The following HMGN4 variants were observed in gnomAD, a reference collection of about 807,000 sequenced individuals.
The protein encoded by HMGN4 is high mobility group nucleosomal binding domain 4.
For synonymous variants in HMGN4, 39 were observed against 39.1 expected, an observed-to-expected ratio of 1.00 and a Z score of 0.01; for missense variants, 69 against 104.9, an observed-to-expected ratio of 0.66 and a Z score of 1.49.
intron 1 of HMGN4, among the ~76,000 whole-genome samples, chr6:26,541,329 C>T (rs1405527581): frequency 6.6e-6 from 1 of 152,226 alleles, no homozygotes; most frequent in Non-Finnish European, 1.5e-5. Context: ...CCACGCCCTG[C>T]CTGAGTCACT....
Position 26,546,738 on chromosome 6 carries a change from G to C in HMGN4, c.*1259G>C, listed in dbSNP as rs1381784786. On this transcript the variant is annotated 3_prime_UTR_variant, in exon 2 of 2. Transcript: ENST00000377575. Reference sequence around the variant, plus strand: ...CAACTGTTCCTCCATATTACTTCTAGAATTAGACCAACAATTTATAAATCA... The same window carrying C: ...CAACTGTTCCTCCATATTACTTCTACAATTAGACCAACAATTTATAAATCA... Among the ~76,000 whole-genome samples the C allele has an allele frequency of 6.6e-6, 1 of 152,110 alleles. No homozygotes were observed. Among genetic ancestry groups the C allele is most frequent in the Non-Finnish European group, 1.5e-5 (1 of 68,028 alleles).
Position 26,545,464 on chromosome 6 carries a change from T to A in HMGN4, c.258T>A (p.Thr86=), listed in dbSNP as rs527995492. The change falls in exon 2 of 2, where the codon ACT becomes ACA. Residue 86 remains threonine (T), a synonymous_variant. Coordinates refer to ENST00000377575, the MANE Select transcript of HMGN4 (RefSeq NM_006353.3). ...TCCAGTCCCAGAAAGCGGAAGGCAC[T>A]GGGGATGCCAAGTGAAATGTACATT... ...STLQSQKAEG[T]GDAK 1 of 1,562,834 alleles carries A rather than the reference T, an allele frequency of 6.4e-7. No individual in the cohort carries two copies. The highest frequency in any genetic ancestry group is 1.2e-5 in the South Asian group (1 of 83,748).
At chr6:26,541,251 G>C (rs2113582043) in intron 1 of HMGN4, among the ~76,000 whole-genome samples, 1 of 152,142 alleles carries the variant, frequency 6.6e-6, no homozygotes, top group East Asian at 1.9e-4. Context: ...TCACCATGTT[G>C]GCCAGGCTGG....
rs1349740741 is a variant in HMGN4 at position 26,546,131 on chromosome 6, C to CG, written c.*654dup. 6.0e-6 allele frequency: 1 copy of CG among 167,066 alleles called. No homozygotes were observed. The highest frequency in any genetic ancestry group is 1.5e-5 in the Non-Finnish European group (1 of 68,116). 10.3% of individuals were successfully genotyped at this position (167,066 alleles called of 1,614,324 possible). A position where few individuals can be genotyped will look rare whatever the true frequency, so the allele number is the denominator to read the frequency against. ...CAACGACATATCTTGTTAACTTTTA[C>CG]GGTGACTTTTGGAGGAGGGGAGTTT... is the stretch of plus-strand genomic sequence containing the variant. On this transcript the variant is annotated 3_prime_UTR_variant, in exon 2 of 2. Transcript: ENST00000377575.
intron 1 of HMGN4, among the ~76,000 whole-genome samples, chr6:26,543,006 G>A (rs1377958334): frequency 6.6e-6 from 1 of 152,204 alleles, no homozygotes; most frequent in Non-Finnish European, 1.5e-5. Context: ...TTAGGGAAAT[G>A]TGTGCTAGGC....
intron 1 of HMGN4, among the ~76,000 whole-genome samples, chr6:26,541,653 G>A (rs1554141261): frequency 6.7e-5 from 10 of 149,418 alleles, no homozygotes; most frequent in Non-Finnish European, 1.5e-4. Context: ...TTCACTATTA[G>A]TTTTTTTTTT....
rs9348722 is a variant in HMGN4, at chr6:26,545,781, G to A, written c.*302G>A. 5.2e-6 allele frequency: 1 copy of A among 191,006 alleles called. No homozygotes were observed. The highest frequency in any genetic ancestry group is 1.5e-4 in the East Asian group (1 of 6,800). The allele number at this position is 191,006 out of a possible 1,614,324, so 11.8% of individuals were successfully genotyped here. ...TTCACGTGTCAGCCACTTTGGCACG[G>A]AAGCCTTACAGTGTGGGGAACCAAA... On this transcript the variant is annotated 3_prime_UTR_variant, in exon 2 of 2. Coordinates refer to ENST00000377575, the MANE Select transcript of HMGN4 (RefSeq NM_006353.3).
rs185258550 is a variant in HMGN4 at position 26,546,414 on chromosome 6, T to A, written c.*935T>A. On this transcript the variant is annotated 3_prime_UTR_variant, in exon 2 of 2. Transcript: ENST00000377575. ...TAACATTTTTCATATTCGAAGTGGTTGTCTCTGCACTATTTACTGAAAAGT... is the reference window on the plus strand; with the variant it reads ...TAACATTTTTCATATTCGAAGTGGTAGTCTCTGCACTATTTACTGAAAAGT... Among the ~76,000 whole-genome samples the A allele has an allele frequency of 2.6e-5, 4 of 152,374 alleles. No homozygotes were observed. The highest frequency in any genetic ancestry group is 2.0e-4 in the Admixed American group (3 of 15,300).
Position 26,545,409 on chromosome 6 carries a change from A to G in HMGN4, c.203A>G (p.Asn68Ser). ...GKADAGKDGN[N>S]PAKNRDASTL... ...GCAGATGCTGGAAAGGATGGGAACA[A>G]CCCTGCAAAAAACCGAGATGCCTCT... Residue 68 changes from asparagine (N) to serine (S), a missense_variant, in exon 2 of 2, where the codon AAC becomes AGC. By Grantham distance (46) the Asn-to-Ser change is conservative. Coordinates refer to ENST00000377575, the MANE Select transcript of HMGN4 (RefSeq NM_006353.3). 6.2e-7 allele frequency: 1 copy of G among 1,610,882 alleles called. No individual in the cohort carries two copies. Among genetic ancestry groups the G allele is most frequent in the African/African-American group, 1.3e-5 (1 of 74,622 alleles).
At chr6:26,538,962 T>C (rs922562534) in intron 1 of HMGN4, among the ~76,000 whole-genome samples, 1 of 152,176 alleles carries the variant, frequency 6.6e-6, no homozygotes, top group Non-Finnish European at 1.5e-5. Flanking sequence ...CTCCTCCACT[T>C]TGACCTTTTG....
Position 26,545,173 on chromosome 6 carries a change from A to C in HMGN4, c.-34A>C, listed in dbSNP as rs763720498. 8 of 1,552,650 alleles carry C rather than the reference A, an allele frequency of 5.2e-6. No homozygotes were observed. Among genetic ancestry groups the C allele is most frequent in the African/African-American group, 1.4e-5 (1 of 72,730 alleles). ...GAGGAGGACAGAAGCACCCAACAGG[A>C]CTGCTCAAGCCACCTGCGAACACTG... is the stretch of plus-strand genomic sequence containing the variant. On this transcript the variant is annotated 5_prime_UTR_variant, in exon 2 of 2. Transcript: ENST00000377575.
chr6:26,545,406 A>G lies in HMGN4; in HGVS notation c.200A>G (p.Asn67Ser), dbSNP rs1234271471. The stretch of plus-strand genomic sequence containing the variant: ...AAAGCAGATGCTGGAAAGGATGGGA[A>G]CAACCCTGCAAAAAACCGAGATGCC... ...KGKADAGKDG[N>S]NPAKNRDAST... is the part of the protein sequence containing the mutation. The change falls in exon 2 of 2, where the codon AAC becomes AGC. Residue 67 changes from asparagine to serine, a missense_variant. Physicochemically the swap from Asn to Ser is conservative, Grantham distance 46 (BLOSUM62 1). Coordinates refer to ENST00000377575, the MANE Select transcript of HMGN4 (RefSeq NM_006353.3). 1 of 1,611,848 alleles carries G rather than the reference A, an allele frequency of 6.2e-7. No homozygotes were observed. The highest frequency in any genetic ancestry group is 2.2e-5 in the East Asian group (1 of 44,868).
At chr6:26,539,306 G>A (rs899131042) in intron 1 of HMGN4, among the ~76,000 whole-genome samples, 3 of 152,134 alleles carry the variant, frequency 2.0e-5, no homozygotes, top group Admixed American at 1.3e-4. Flanking sequence ...TTTTTGAGAC[G>A]GAGTCTCACT....
At chr6:26,538,532 C>G (rs1241439123) in intron 1 of HMGN4, 31 bp downstream of exon 1, 2 of 145,084 alleles carry the variant, frequency 1.4e-5, no homozygotes, top group African/African-American at 5.2e-5. Flanking sequence ...GTGCGCTACC[C>G]CGGAAAATGA....
rs70977285 is a variant in HMGN4, at chr6:26,543,421, C to CTTT, written c.-80-1690_-80-1688dup. Among the ~76,000 whole-genome samples the CTTT allele has an allele frequency of 3.1e-3, 249 of 80,126 alleles. 24 individuals carry two copies. Among genetic ancestry groups the CTTT allele is most frequent in the African/African-American group, 0.013 (228 of 17,682 alleles). 52.6% of individuals were successfully genotyped at this position (80,126 alleles called of 152,430 possible). A position where few individuals can be genotyped will look rare whatever the true frequency, so the allele number is the denominator to read the frequency against. On this transcript the variant is annotated intron_variant, in intron 1 of 1. Transcript: ENST00000377575. ...CTGTATGTCTCAGTGGCACCATTAC[C>CTTT]TTTTTTTTTTTTTTTTTTGAAGCAG...
At chr6:26,539,808 A>G (rs1764267013) in intron 1 of HMGN4, 2 of 152,174 alleles carry the variant, frequency 1.3e-5, no homozygotes, top group African/African-American at 4.8e-5. Flanking sequence ...TAGCAAGATA[A>G]TATCTTGGTT....
chr6:26,546,556 A>G lies in HMGN4; in HGVS notation c.*1077A>G, dbSNP rs1764353528. On this transcript the variant is annotated 3_prime_UTR_variant, in exon 2 of 2. Coordinates refer to ENST00000377575, the MANE Select transcript of HMGN4 (RefSeq NM_006353.3). Reference sequence around the variant, plus strand: ...CTGACATCAATTTGTCTAATCTTGTAGCAGTACAGTACAGTCCTGATTATT... The same window carrying G: ...CTGACATCAATTTGTCTAATCTTGTGGCAGTACAGTACAGTCCTGATTATT... 6.6e-6 allele frequency among the ~76,000 whole-genome samples: 1 copy of G among 152,210 alleles called. No individual in the cohort carries two copies. Among genetic ancestry groups the G allele is most frequent in the South Asian group, 2.1e-4 (1 of 4,828 alleles).
intron 1 of HMGN4, among the ~76,000 whole-genome samples, chr6:26,543,990 A>G (rs1284246734): frequency 6.6e-6 from 1 of 151,976 alleles, no homozygotes; most frequent in Non-Finnish European, 1.5e-5. Flanking sequence ...CTCAAACTCA[A>G]ACTATTTTCC....
chr6:26,538,720 A>G (rs1355828011), intron 1 of HMGN4, among the ~76,000 whole-genome samples: 5 of 152,194 alleles, frequency 3.3e-5, no homozygotes, highest in Non-Finnish European at 7.3e-5. Context: ...AGCTGAATCC[A>G]GAGGTGGGGT....
Sources: allele counts gnomAD v4.1 joint callset (sites outside exome capture counted in the v4.1 genomes callset), GRCh38; gene constraint gnomAD v4.1.1; transcripts MANE v1.5; gene names NCBI Gene and HGNC (gene_info 2026-07-23, HGNC 2026-07-21).